The following AUTS2 variants were observed in gnomAD, a reference collection of about 807,000 sequenced individuals.
AUTS2 encodes autism susceptibility gene 2 protein.
In AUTS2, 17 loss-of-function variants were observed where a neutral mutation model predicts 112.4. The ratio of observed to expected loss-of-function variants is 0.15; its 90% CI spans 0.10 to 0.23. The LOEUF is 0.23. Among genes scored for constraint, AUTS2 ranks in the 10% least tolerant of loss-of-function variants. The pLI is 1.00. For missense variants in AUTS2, 1,510 were observed against 1,701.6 expected (o/e 0.89, Z 1.98); for synonymous variants, 751 against 702.7 (o/e 1.07, Z -1.09).
At chr7:69,692,902 G>A (rs561721615) in intron 1 of AUTS2, among the ~76,000 whole-genome samples, 2 of 152,300 alleles carry the variant, frequency 1.3e-5, no homozygotes, top group Admixed American at 1.3e-4. Context: ...GCTTTCAAGA[G>A]GCTGGTCAGG....
intron 5 of AUTS2, among the ~76,000 whole-genome samples, chr7:70,511,028 T>C (rs1355368244): frequency 6.6e-6 from 1 of 152,062 alleles, no homozygotes; most frequent in African/African-American, 2.4e-5. Flanking sequence ...TTTGTATTTT[T>C]TGTAGAGACG....
chr7:69,692,078 G>A (rs1797372997), intron 1 of AUTS2, among the ~76,000 whole-genome samples: 1 of 152,202 alleles, frequency 6.6e-6, no homozygotes, highest in African/African-American at 2.4e-5. Flanking sequence ...CAAGGGCTGT[G>A]TGTATATGCT....
intron 4 of AUTS2, among the ~76,000 whole-genome samples, chr7:70,257,713 C>A (rs1786958638): frequency 6.6e-6 from 1 of 151,858 alleles, no homozygotes; most frequent in South Asian, 2.1e-4. Flanking sequence ...CCACCTTGGC[C>A]TCTCAAAGTG....
intron 2 of AUTS2, among the ~76,000 whole-genome samples, chr7:70,066,912 A>G (rs540499732): frequency 6.6e-6 from 1 of 152,348 alleles, no homozygotes; most frequent in East Asian, 1.9e-4. Flanking sequence ...GCTATTTTCA[A>G]ACTCACTTCT....
intron 6 of AUTS2, among the ~76,000 whole-genome samples, chr7:70,760,161 A>G (rs916176922): frequency 6.6e-6 from 1 of 151,912 alleles, no homozygotes; most frequent in Non-Finnish European, 1.5e-5. Context: ...ACCCGCCACC[A>G]CGCCCGGCTA....
intron 5 of AUTS2, among the ~76,000 whole-genome samples, chr7:70,620,445 G>A (rs1258246535): frequency 6.6e-6 from 1 of 152,122 alleles, no homozygotes; most frequent in Non-Finnish European, 1.5e-5. Flanking sequence ...GCATCGGTGT[G>A]CAGTAGGCGC....
At chr7:70,348,047 G>A (rs978396612) in intron 4 of AUTS2, among the ~76,000 whole-genome samples, 18 of 152,192 alleles carry the variant, frequency 1.2e-4, no homozygotes, top group African/African-American at 4.3e-4. Context: ...TTTAAGAGTG[G>A]TTTAAGGGTC....
chr7:70,395,880 T>C (rs17565895), intron 4 of AUTS2, among the ~76,000 whole-genome samples: 14,574 of 152,262 alleles, frequency 0.096, 790 homozygotes, highest in Middle Eastern at 0.18. Context: ...TTCCAAGATA[T>C]GTTTTAGCTC....
chr7:69,841,474 G>T (rs1791977587), intron 1 of AUTS2, among the ~76,000 whole-genome samples: 1 of 152,100 alleles, frequency 6.6e-6, no homozygotes, highest in Non-Finnish European at 1.5e-5. Flanking sequence ...CACCAGCATT[G>T]GGGATTACAA....
At chr7:70,585,660 T>G (rs1429224282) in intron 5 of AUTS2, among the ~76,000 whole-genome samples, 1 of 152,116 alleles carries the variant, frequency 6.6e-6, no homozygotes, top group Admixed American at 6.5e-5. Flanking sequence ...ACAGTGGATA[T>G]CTTCACTCTT....
rs1303948231 is a variant in AUTS2, at chr7:70,435,847, A to T, written c.690+66A>T. The stretch of plus-strand genomic sequence containing the variant: ...ACACTGAACACCAGAGTCCTCCCAC[A>T]CACAGCTGCAGGGTAGGATGCCAGC... On this transcript the variant is annotated intron_variant, in intron 5 of 18. Transcript: ENST00000342771. 7 of 1,542,362 alleles carry T rather than the reference A, an allele frequency of 4.5e-6. No homozygotes were observed. In the African/African-American group the frequency reaches 8.2e-5, roughly 18 times the overall value.
chr7:69,705,670 A>G (rs1798034495), intron 1 of AUTS2, among the ~76,000 whole-genome samples: 1 of 152,180 alleles, frequency 6.6e-6, no homozygotes, highest in African/African-American at 2.4e-5. Context: ...TTTTTATAAG[A>G]GTTTATTTTC....
chr7:70,788,742 T>C (rs960360947), intron 18 of AUTS2, among the ~76,000 whole-genome samples: 3 of 152,218 alleles, frequency 2.0e-5, no homozygotes, highest in Non-Finnish European at 4.4e-5. Flanking sequence ...AAACAGCCCT[T>C]ATAGGGGAGC....
intron 2 of AUTS2, among the ~76,000 whole-genome samples, chr7:70,095,319 G>A (rs903440013): frequency 1.3e-5 from 2 of 152,148 alleles, no homozygotes; most frequent in African/African-American, 4.8e-5. Flanking sequence ...GCATGGTTAA[G>A]GTTTGGAAAT....
At chr7:70,580,168 A>C (rs560317536) in intron 5 of AUTS2, among the ~76,000 whole-genome samples, 1 of 152,182 alleles carries the variant, frequency 6.6e-6, no homozygotes, top group Non-Finnish European at 1.5e-5. Flanking sequence ...TGCCAATTAG[A>C]GTGGACGTAC....
At chr7:70,226,754 AATTTTTGCAACTATATTGTT>A (rs776420745) in intron 4 of AUTS2, among the ~76,000 whole-genome samples, 3 of 152,152 alleles carry the variant, frequency 2.0e-5, no homozygotes, top group Non-Finnish European at 4.4e-5. Flanking sequence ...TATATCATTT[AATTTTTGCAACTATATTGTT>A]ATTTTTTCCA....
At chr7:70,217,500 A>G (rs1338270461) in intron 4 of AUTS2, among the ~76,000 whole-genome samples, 1 of 152,184 alleles carries the variant, frequency 6.6e-6, no homozygotes, top group Admixed American at 6.5e-5. Flanking sequence ...AGTTCATTCT[A>G]GTTGTGCTTT....
At chr7:69,791,856 G>C (rs1789618559) in intron 1 of AUTS2, among the ~76,000 whole-genome samples, 1 of 152,168 alleles carries the variant, frequency 6.6e-6, no homozygotes, top group African/African-American at 2.4e-5. Context: ...CTTAACTGGG[G>C]TTTGTTTCCC....
intron 5 of AUTS2, among the ~76,000 whole-genome samples, chr7:70,518,789 C>T (rs942447638): frequency 3.3e-5 from 5 of 152,092 alleles, no homozygotes; most frequent in African/African-American, 7.2e-5. Context: ...CTGCAACTTC[C>T]GCCTCCCGGA....
Sources: allele counts gnomAD v4.1 joint callset (sites outside exome capture counted in the v4.1 genomes callset), GRCh38; gene constraint gnomAD v4.1.1; transcripts MANE v1.5; gene names NCBI Gene and HGNC (gene_info 2026-07-23, HGNC 2026-07-21).